Variants in NBPF11 observed in about 807,000 individuals in gnomAD.
NBPF11 encodes NBPF member 11.
NBPF11 carries 72 observed loss-of-function variants against 93.9 expected under a neutral mutation model. The ratio of observed to expected loss-of-function variants is 0.77; its 90% confidence interval spans 0.63 to 0.93. The LOEUF (loss-of-function observed/expected upper bound fraction) is 0.93, where lower values mean the gene tolerates loss of function less well. NBPF11 is among the 40% of genes least tolerant of loss of function. The probability of loss-of-function intolerance (pLI) is 0.00; values close to 1 mark genes in which losing one functional copy is unlikely to be tolerated. For synonymous variants in NBPF11, 224 were observed against 304.9 expected (o/e 0.73, Z 2.76); for missense variants, 705 against 802.2 (o/e 0.88, Z 1.46).
chr1:148,149,258 G>T (rs1647608363), intron 1 of NBPF11: 11 of 1,595,742 alleles, frequency 6.9e-6, no homozygotes, highest in Admixed American at 1.7e-5. Context: ...TGCCGCGGTG[G>T]TGCTGCACTC....
At chr1:148,121,079 C>T (rs1431014043) in intron 9 of NBPF11, among the ~76,000 whole-genome samples, 2 of 151,800 alleles carry the variant, frequency 1.3e-5, no homozygotes, top group African/African-American at 2.4e-5. Flanking sequence ...GAGTCTCACT[C>T]TGTCGCGCAG....
In NBPF11 at chr1:148,134,829, C is replaced by G. The variant is rs1253292873; in HGVS notation, c.-36+843G>C. 5.8e-3 allele frequency among the ~76,000 whole-genome samples: 874 copies of G among 151,796 alleles called. 20 individuals carry two copies. The highest frequency in any genetic ancestry group is 0.02 in the African/African-American group (840 of 41,046). On this transcript the variant is annotated intron_variant, in intron 4 of 23. Transcript: ENST00000682118. ...AGAGAATAGAAGAGATGCTCACAGA[C>G]AACCACAGACCACACGGCCCTAGAG... is the stretch of plus-strand genomic sequence containing the variant.
intron 4 of NBPF11, chr1:148,129,414 C>T (rs1669911432): frequency 6.6e-6 from 1 of 151,364 alleles, no homozygotes; most frequent in African/African-American, 2.5e-5. Flanking sequence ...CTCTCCGCCT[C>T]CCCCACCCGC....
intron 10 of NBPF11, 124 bp downstream of exon 10, chr1:148,120,377 A>G: frequency 1.4e-6 from 1 of 705,812 alleles, no homozygotes; most frequent in South Asian, 1.5e-5. Flanking sequence ...TAAAATACCC[A>G]TTTCTGTTTT....
In NBPF11 at chr1:148,105,459, G is replaced by C; in HGVS notation, c.2373C>G (p.Leu791=). The change falls in exon 22 of 24, where the codon CTC becomes CTG. Residue 791 remains leucine, a synonymous_variant. Transcript: ENST00000682118. ...TCAGGCTGTTCAAGACAACTGGAAG[G>C]AGTTGAATAACATCCAGTGAGTCCT... ...VLQDSLDVIQ[L]LPVVLNSLTP... The C allele has an allele frequency of 8.9e-7, 1 of 1,120,146 alleles. No individual in the cohort carries two copies. Among genetic ancestry groups the C allele is most frequent in the Non-Finnish European group, 1.3e-6 (1 of 764,040 alleles). The allele number at this position is 1,120,146 out of a possible 1,614,324, so 69.4% of individuals were successfully genotyped here. A position where few individuals can be genotyped will look rare whatever the true frequency, so the allele number is the denominator to read the frequency against.
chr1:148,142,464 C>T (rs1672351214), intron 2 of NBPF11, among the ~76,000 whole-genome samples: 1 of 151,100 alleles, frequency 6.6e-6, no homozygotes, highest in East Asian at 1.9e-4. Flanking sequence ...CCGCAACCTT[C>T]CCTGCTGCTC....
In NBPF11 at chr1:148,105,359, C is replaced by A. The variant is rs1268305404; in HGVS notation, c.2472+1G>T. On this transcript the variant is annotated splice_donor_variant, in intron 22 of 23. Coordinates refer to ENST00000682118, the MANE Select transcript of NBPF11 (RefSeq NM_001385469.3). LOFTEE classifies it high-confidence loss of function. ...TATCACCTTCATAGAAAGGTACTCA[C>A]CTCCCACGTCAAGAGAAAAGCCAAC... The A allele has an allele frequency of 3.7e-5, 29 of 790,350 alleles. No homozygotes were observed. The highest frequency in any genetic ancestry group is 3.5e-4 in the Middle Eastern group (1 of 2,826). The allele number at this position is 790,350 out of a possible 1,614,324, so 49.0% of individuals were successfully genotyped here. A position where few individuals can be genotyped will look rare whatever the true frequency, so the allele number is the denominator to read the frequency against.
At chr1:148,110,319 T>C in intron 16 of NBPF11, 59 bp downstream of exon 16, 1 of 1,560,652 alleles carries the variant, frequency 6.4e-7, no homozygotes, top group Non-Finnish European at 8.8e-7. Context: ...GCCCAAAGAT[T>C]ATGGGGTCTA....
In NBPF11 at chr1:148,141,321, C is replaced by T. The variant is rs1414329253; in HGVS notation, c.-277+2094G>A. ...ACTTTAGTTGATAATGATGTATCAA[C>T]AGTGGTTCATCAATTGTAACGAATG... On this transcript the variant is annotated intron_variant, in intron 2 of 23. Transcript: ENST00000682118. Among the ~76,000 whole-genome samples, 23 of 152,126 alleles carry T rather than the reference C, an allele frequency of 1.5e-4. No homozygotes were observed. In the East Asian group the frequency reaches 3.1e-3, roughly 20 times the overall value.
chr1:148,131,025 T>C (rs2149264384), intron 4 of NBPF11, among the ~76,000 whole-genome samples: 1 of 151,826 alleles, frequency 6.6e-6, no homozygotes, highest in African/African-American at 2.4e-5. Flanking sequence ...ATTGGACATT[T>C]CTATCATTCC....
chr1:148,120,403 A>G (rs1667551132), intron 10 of NBPF11, 98 bp downstream of exon 10: 1 of 760,756 alleles, frequency 1.3e-6, no homozygotes, highest in Non-Finnish European at 2.4e-6. Context: ...AAGTATGGGG[A>G]GGATGACATT....
In NBPF11 at chr1:148,103,438, C is replaced by A. The variant is rs1208449935; in HGVS notation, c.*458G>T. The stretch of plus-strand genomic sequence containing the variant: ...TCAAATTAAAATGTCCGACTGATCA[C>A]TCCCGGCATGTGCTGCACAGTTATG... On this transcript the variant is annotated 3_prime_UTR_variant, in exon 24 of 24. Transcript: ENST00000682118. The A allele has an allele frequency of 3.5e-5, 23 of 665,508 alleles. No homozygotes were observed. The highest frequency in any genetic ancestry group is 3.7e-5 in the Non-Finnish European group (15 of 408,908). 41.2% of individuals were successfully genotyped at this position (665,508 alleles called of 1,614,324 possible).
chr1:148,133,660 G>A (rs1404328921), intron 4 of NBPF11, among the ~76,000 whole-genome samples: 19 of 151,580 alleles, frequency 1.3e-4, no homozygotes, highest in African/African-American at 2.4e-4. Flanking sequence ...AAAAGAGGCC[G>A]GGCATGGTGG....
Position 148,110,434 on chromosome 1 carries a change from C to A in NBPF11, c.1745G>T (p.Ser582Ile). ...TTCCTCTAATGAGTGAAATGTGCTGCTGTAAGACTGGTACGAGGCCAACCT... is the reference window on the plus strand; with the variant it reads ...TTCCTCTAATGAGTGAAATGTGCTGATGTAAGACTGGTACGAGGCCAACCT... ...PERLASYQSYSSTFHSLEEQQ... is the reference protein window; with the variant it reads ...PERLASYQSYISTFHSLEEQQ... The change falls in exon 16 of 24, where the codon AGC becomes ATC. Residue 582 changes from serine (S) to isoleucine (I), a missense_variant. By Grantham distance (142) the Ser-to-Ile change is moderately radical. Transcript: ENST00000682118. 1 of 1,593,116 alleles carries A rather than the reference C, an allele frequency of 6.3e-7. No homozygotes were observed. The highest frequency in any genetic ancestry group is 8.6e-7 in the Non-Finnish European group (1 of 1,165,056).
rs1170830467 is a variant in NBPF11, at chr1:148,106,219, G to C, written c.2265C>G (p.Asp755Glu). The stretch of plus-strand genomic sequence containing the variant: ...GGCCTTGGTCTTCTTCCTCTTCTTG[G>C]TCCTTTTTAATTCCTGCAATACATT... Reference protein sequence around the residue: ...LALDVDRIKKDQEEEEDQGPP... With the variant: ...LALDVDRIKKEQEEEEDQGPP... Residue 755 changes from aspartate to glutamate, a missense_variant, in exon 21 of 24, where the codon GAC becomes GAG. Physicochemically the swap from Asp to Glu is conservative, Grantham distance 45 (BLOSUM62 2). Transcript: ENST00000682118. 3.4e-6 allele frequency: 3 copies of C among 870,838 alleles called. No individual in the cohort carries two copies. Among genetic ancestry groups the C allele is most frequent in the Non-Finnish European group, 5.9e-6 (3 of 507,750 alleles). The allele number at this position is 870,838 out of a possible 1,614,324, so 53.9% of individuals were successfully genotyped here.
intron 5 of NBPF11, among the ~76,000 whole-genome samples, chr1:148,126,450 C>T (rs1198897232): frequency 6.6e-6 from 1 of 151,616 alleles, no homozygotes; most frequent in African/African-American, 2.4e-5. Flanking sequence ...TGGGCCTCAA[C>T]AGAAACTTGA....
chr1:148,109,930 A>G (rs1372336236), intron 16 of NBPF11, among the ~76,000 whole-genome samples: 4 of 142,372 alleles, frequency 2.8e-5, no homozygotes, highest in Non-Finnish European at 1.5e-5. Context: ...CCTGGGTCAC[A>G]TCTTTCACTG....
At chr1:148,120,009 C>T (rs1345613529) in intron 10 of NBPF11, among the ~76,000 whole-genome samples, 2 of 151,824 alleles carry the variant, frequency 1.3e-5, no homozygotes, top group Admixed American at 6.5e-5. Flanking sequence ...CTATTAGGAG[C>T]AGACTCCTCT....
intron 5 of NBPF11, among the ~76,000 whole-genome samples, chr1:148,125,724 A>G (rs1668961066): frequency 2.0e-5 from 3 of 151,832 alleles, no homozygotes; most frequent in African/African-American, 2.4e-5. Flanking sequence ...GACAGGAAAT[A>G]CCTCATGTAA....
Sources: gnomAD v4.1 joint callset for allele counts (sites outside exome capture counted in the v4.1 genomes callset) on GRCh38, gnomAD v4.1.1 for gene constraint, MANE v1.5 for transcripts, NCBI Gene and HGNC (gene_info 2026-07-23, HGNC 2026-07-21) for gene names.